Variants in PAIP2B observed in about 807,000 individuals in gnomAD.
PAIP2B encodes the protein poly(A) binding protein interacting protein 2B.
A neutral mutation model predicts 17.0 loss-of-function variants in PAIP2B; 13 were observed. The observed-to-expected ratio is 0.76, with a 90% CI of 0.50 to 1.22. The LOEUF (loss-of-function observed/expected upper bound fraction) is 1.22. PAIP2B is among the 50% of genes most tolerant of loss of function. PAIP2B has a pLI of 0.00. For missense variants in PAIP2B, 117 were observed against 144.5 expected (o/e 0.81, Z 0.98); for synonymous variants, 43 against 48.7 (o/e 0.88, Z 0.48).
intron 1 of PAIP2B, among the ~76,000 whole-genome samples, chr2:71,211,106 G>A (rs1451582196): frequency 1.3e-5 from 2 of 152,106 alleles, no homozygotes; most frequent in African/African-American, 4.8e-5. Context: ...AATTAGCTGG[G>A]CGTGGTGGCA....
rs910183976 is a variant in PAIP2B, at chr2:71,185,973, T to A, written c.*2506A>T. The A allele has an allele frequency of 2.6e-5, 4 of 152,268 alleles. No individual in the cohort carries two copies. Among genetic ancestry groups the A allele is most frequent in the African/African-American group, 9.6e-5 (4 of 41,468 alleles). 9.4% of individuals were successfully genotyped at this position (152,268 alleles called of 1,614,324 possible). ...GTTAGAAATACATGTTCCATTTCTA[T>A]ACAAATTCTCAAACTTCTAGTTGCC... On this transcript the variant is annotated 3_prime_UTR_variant, in exon 4 of 4. Transcript: ENST00000244221.
At chr2:71,219,822 A>G (rs1203162928) in intron 1 of PAIP2B, among the ~76,000 whole-genome samples, 1 of 152,178 alleles carries the variant, frequency 6.6e-6, no homozygotes, top group Non-Finnish European at 1.5e-5. Flanking sequence ...AACACTTTTA[A>G]TTGGTTTCTT....
At position 71,194,489 on chromosome 2, in the gene PAIP2B, GT is replaced by G. The variant is rs1558773186; in HGVS notation, c.139-4469del. ...TGTGTGTGTGTGTGTGTGTGTGTGT[GT>G]GTGGCAACTGTGAATGGGATTGCCT... On this transcript the variant is annotated intron_variant, in intron 2 of 3. Coordinates refer to ENST00000244221, the MANE Select transcript of PAIP2B (RefSeq NM_020459.1). Among the ~76,000 whole-genome samples, 375 of 149,562 alleles carry G rather than the reference GT, an allele frequency of 2.5e-3. 2 individuals are homozygous for G. The highest frequency in any genetic ancestry group is 8.8e-3 in the East Asian group (45 of 5,118).
At chr2:71,189,464 T>A (rs1455239992) in intron 3 of PAIP2B, among the ~76,000 whole-genome samples, 1 of 152,244 alleles carries the variant, frequency 6.6e-6, no homozygotes, top group African/African-American at 2.4e-5. Flanking sequence ...TAGAAGTATA[T>A]TAAATACAGA....
chr2:71,197,685 A>T (rs1003557352), intron 2 of PAIP2B, among the ~76,000 whole-genome samples: 6 of 152,252 alleles, frequency 3.9e-5, no homozygotes, highest in Non-Finnish European at 7.3e-5. Context: ...TTATAGTTTC[A>T]TGTGGCTGGG....
At chr2:71,223,995 C>G (rs1224602612) in intron 1 of PAIP2B, among the ~76,000 whole-genome samples, 1 of 152,186 alleles carries the variant, frequency 6.6e-6, no homozygotes, top group Non-Finnish European at 1.5e-5. Flanking sequence ...TCCCCAAATA[C>G]TTGTGGAGCT....
chr2:71,201,397 T>TC (rs1674982012), intron 2 of PAIP2B, among the ~76,000 whole-genome samples: 1 of 152,012 alleles, frequency 6.6e-6, no homozygotes, highest in South Asian at 2.1e-4. Flanking sequence ...TTTTTTTTTT[T>TC]TTTTGAGACA....
At chr2:71,205,914 T>C (rs1675114143) in intron 1 of PAIP2B, among the ~76,000 whole-genome samples, 2 of 152,292 alleles carry the variant, frequency 1.3e-5, no homozygotes, top group East Asian at 1.9e-4. Context: ...TGAACCATCA[T>C]GTAAGTGAGC....
At chr2:71,211,076 G>A (rs1370347983) in intron 1 of PAIP2B, among the ~76,000 whole-genome samples, 3 of 152,028 alleles carry the variant, frequency 2.0e-5, no homozygotes, top group Non-Finnish European at 2.9e-5. Context: ...GTGAAACCCC[G>A]TCTCTACTAA....
intron 2 of PAIP2B, among the ~76,000 whole-genome samples, chr2:71,198,442 C>T (rs566837598): frequency 3.9e-5 from 6 of 152,092 alleles, no homozygotes; most frequent in South Asian, 4.2e-4. Context: ...CCCGCTACCA[C>T]GCCCGGCTAA....
intron 1 of PAIP2B, among the ~76,000 whole-genome samples, chr2:71,207,227 G>T (rs1303363549): frequency 6.6e-6 from 1 of 152,162 alleles, no homozygotes; most frequent in Non-Finnish European, 1.5e-5. Context: ...GGTTCAGAAA[G>T]GTTTCCCTGA....
chr2:71,225,364 A>G (rs1241820405), intron 1 of PAIP2B, among the ~76,000 whole-genome samples: 2 of 152,378 alleles, frequency 1.3e-5, no homozygotes, highest in Middle Eastern at 3.4e-3. Context: ...CAAACAGGAT[A>G]AAGAAAGCAA....
chr2:71,215,346 C>G (rs1407266848), intron 1 of PAIP2B, among the ~76,000 whole-genome samples: 1 of 151,836 alleles, frequency 6.6e-6, no homozygotes, highest in African/African-American at 2.4e-5. Context: ...CCAAAAAGGT[C>G]CATCCTAGGA....
intron 1 of PAIP2B, among the ~76,000 whole-genome samples, chr2:71,214,630 T>C (rs141966640): frequency 2.1e-4 from 32 of 152,348 alleles, no homozygotes; most frequent in African/African-American, 7.7e-4. Context: ...AAATTTGGCC[T>C]GAACTGATAT....
chr2:71,219,061 G>A (rs1273435740), intron 1 of PAIP2B, among the ~76,000 whole-genome samples: 3 of 147,670 alleles, frequency 2.0e-5, no homozygotes, highest in Admixed American at 6.7e-5. Context: ...GACTACAGGT[G>A]CCCGCCACCA....
Position 71,195,758 on chromosome 2 carries a change from C to A in PAIP2B, c.139-5737G>T. On this transcript the variant is annotated intron_variant, in intron 2 of 3. Transcript: ENST00000244221. The stretch of plus-strand genomic sequence containing the variant: ...GGTTCATGCATTCTCCTGCCTCAGC[C>A]TCCCATGCAGCTGGGATTACAGGCA... Among the ~76,000 whole-genome samples the A allele has an allele frequency of 1.3e-5, 2 of 152,214 alleles. 1 individual carries two copies. The highest frequency in any genetic ancestry group is 3.8e-4 in the East Asian group (2 of 5,196).
At chr2:71,202,803 A>G (rs1356388694) in intron 1 of PAIP2B, among the ~76,000 whole-genome samples, 1 of 152,166 alleles carries the variant, frequency 6.6e-6, no homozygotes, top group Admixed American at 6.5e-5. Flanking sequence ...ATTATTTAAG[A>G]GTTAAAAGAA....
chr2:71,196,635 GCTGT>G (rs1431361603), intron 2 of PAIP2B, among the ~76,000 whole-genome samples: 2 of 151,886 alleles, frequency 1.3e-5, no homozygotes, highest in Admixed American at 6.6e-5. Flanking sequence ...ATATTATGTG[GCTGT>G]CTATGTCTTT....
chr2:71,214,753 G>A (rs1203465089), intron 1 of PAIP2B, among the ~76,000 whole-genome samples: 3 of 152,138 alleles, frequency 2.0e-5, no homozygotes, highest in South Asian at 2.1e-4. Flanking sequence ...TGAGGCATTC[G>A]TAACAGAGAA....
Sources: allele counts gnomAD v4.1 joint callset (sites outside exome capture counted in the v4.1 genomes callset), GRCh38; gene constraint gnomAD v4.1.1; transcripts MANE v1.5; gene names NCBI Gene and HGNC (gene_info 2026-07-23, HGNC 2026-07-21).